The following COL27A1 variants were observed in gnomAD, a reference collection of about 807,000 sequenced individuals.
The protein encoded by COL27A1 is collagen type XXVII alpha 1 chain.
COL27A1 carries 106 observed loss-of-function variants against 251.3 expected under a neutral mutation model. That is an observed-to-expected ratio of 0.42 (90% CI 0.36 to 0.50). The LOEUF is 0.50. Ranked by LOEUF, COL27A1 falls within the 20% of genes least tolerant of loss-of-function variation. The pLI, the probability that COL27A1 is intolerant of heterozygous loss-of-function variation, is 0.00. For missense variants in COL27A1, 2,325 were observed against 2,522.8 expected (o/e 0.92, Z 1.68); for synonymous variants, 1,000 against 986.3 (o/e 1.01, Z -0.26).
chr9:114,245,857 T>A lies in COL27A1; in HGVS notation c.2935-9T>A. 4 of 1,613,510 alleles carry A rather than the reference T, an allele frequency of 2.5e-6. No individual in the cohort carries two copies. Among genetic ancestry groups the A allele is most frequent in the Non-Finnish European group, 2.5e-6 (3 of 1,179,658 alleles). On this transcript the variant is annotated splice_polypyrimidine_tract_variant and intron_variant, in intron 23 of 60. Transcript: ENST00000356083. ...ATCCCAATCCATCCTCCTCTTTGTC[T>A]CTTTGCAGGGGGAACCAGGGGATCC... is the stretch of plus-strand genomic sequence containing the variant.
chr9:114,285,883 G>A (rs367713927), intron 41 of COL27A1, among the ~76,000 whole-genome samples: 1 of 152,216 alleles, frequency 6.6e-6, no homozygotes, highest in East Asian at 1.9e-4. Context: ...GCTGAGAATG[G>A]GACCCTAACA....
At chr9:114,280,236 C>T (rs1835819734) in intron 37 of COL27A1, among the ~76,000 whole-genome samples, 1 of 150,350 alleles carries the variant, frequency 6.7e-6, no homozygotes, top group African/African-American at 2.4e-5. Flanking sequence ...TTTTGAGACA[C>T]AGTCTCACTC....
intron 49 of COL27A1, among the ~76,000 whole-genome samples, chr9:114,296,101 A>T (rs1321326318): frequency 6.6e-6 from 1 of 151,682 alleles, no homozygotes; most frequent in East Asian, 1.9e-4. Context: ...GAAAATTAAA[A>T]CACTTCTAGA....
At chr9:114,301,781 G>C (rs1828659947) in intron 55 of COL27A1, 64 bp downstream of exon 55, 1 of 1,483,954 alleles carries the variant, frequency 6.7e-7, no homozygotes, top group South Asian at 1.2e-5. Flanking sequence ...GAGATTCAAG[G>C]CTTCACCGGC....
chr9:114,240,109 C>A, intron 19 of COL27A1, 111 bp from the exon 20 acceptor site: 1 of 956,376 alleles, frequency 1.0e-6, no homozygotes, highest in Non-Finnish European at 1.7e-6. Flanking sequence ...TGCCTGGGGT[C>A]CCATCCCAGC....
chr9:114,165,341 C>T (rs1848755017), intron 2 of COL27A1, among the ~76,000 whole-genome samples: 2 of 152,042 alleles, frequency 1.3e-5, no homozygotes, highest in Non-Finnish European at 2.9e-5. Flanking sequence ...TTTATCTATC[C>T]ATCATCCATC....
chr9:114,306,710 G>C (rs760482201), intron 58 of COL27A1, 22 bp downstream of exon 58: 1 of 1,607,456 alleles, frequency 6.2e-7, no homozygotes, highest in South Asian at 1.1e-5. Flanking sequence ...TCCTGCCGGG[G>C]GTGGGTGCGC....
chr9:114,229,902 C>A (rs995484629), intron 14 of COL27A1, among the ~76,000 whole-genome samples: 4 of 152,126 alleles, frequency 2.6e-5, no homozygotes, highest in South Asian at 2.1e-4. Flanking sequence ...GTGGCGGGGG[C>A]TGTTCTGTGC....
rs552405199 is a variant in COL27A1 at position 114,163,089 on chromosome 9, C to G, written c.133+304C>G. Among the ~76,000 whole-genome samples the G allele has an allele frequency of 5.1e-4, 78 of 152,188 alleles. 3 individuals are homozygous for G. In the South Asian group the frequency reaches 0.016, roughly 32 times the overall value. On this transcript the variant is annotated intron_variant, in intron 2 of 60. Transcript: ENST00000356083. ...TCTCTACTAAAAATACAAAAATTAG[C>G]TGGGTGTGGTGGCAGGTGCCTGTAG...
chr9:114,306,839 C>G (rs1829086895), intron 58 of COL27A1, 151 bp downstream of exon 58: 1 of 826,844 alleles, frequency 1.2e-6, no homozygotes, highest in African/African-American at 1.7e-5. Context: ...AGTCACAGAG[C>G]CTCACAATAT....
intron 49 of COL27A1, among the ~76,000 whole-genome samples, chr9:114,293,307 A>C (rs920974715): frequency 6.6e-6 from 1 of 152,336 alleles, no homozygotes; most frequent in Admixed American, 6.5e-5. Context: ...GTCAAAGAAG[A>C]GACCAAAAGA....
intron 41 of COL27A1, among the ~76,000 whole-genome samples, chr9:114,287,331 G>A (rs1827565556): frequency 1.3e-5 from 2 of 152,168 alleles, no homozygotes; most frequent in African/African-American, 2.4e-5. Flanking sequence ...CTGTGCCCAG[G>A]GGAGTGACAC....
At chr9:114,250,766 C>T (rs1289819465) in intron 25 of COL27A1, 98 bp downstream of exon 25, 77 of 983,668 alleles carry the variant, frequency 7.8e-5, no homozygotes, top group Non-Finnish European at 9.6e-5. Context: ...TTCAGAATAC[C>T]CTCCCCTAGC....
intron 16 of COL27A1, 128 bp downstream of exon 16, chr9:114,231,994 C>T: frequency 6.7e-6 from 6 of 895,096 alleles, no homozygotes; most frequent in Non-Finnish European, 1.1e-5. Context: ...CTCTGGCCTC[C>T]CCTAAATCTG....
chr9:114,206,385 A>G, intron 10 of COL27A1, 89 bp downstream of exon 10: 3 of 1,373,144 alleles, frequency 2.2e-6, no homozygotes, highest in South Asian at 1.2e-5. Context: ...GGTCAGAGCT[A>G]TAAGGAGAGC....
chr9:114,224,648 C>CTTTTTTTTT (rs5900075), intron 14 of COL27A1, among the ~76,000 whole-genome samples: 11 of 97,350 alleles, frequency 1.1e-4, no homozygotes, highest in Non-Finnish European at 1.5e-4. Flanking sequence ...CCTCCTGGTT[C>CTTTTTTTTT]TTTTTTTTTT....
At chr9:114,264,844 T>G (rs1834622378) in intron 29 of COL27A1, 80 bp from the exon 30 acceptor site, 19 of 1,451,510 alleles carry the variant, frequency 1.3e-5, no homozygotes, top group Non-Finnish European at 1.7e-5. Context: ...TCCTTTTATC[T>G]CCCATGTGGA....
Position 114,269,146 on chromosome 9 carries a change from C to T in COL27A1, c.3502-95C>T, listed in dbSNP as rs114119077. 2.1e-3 allele frequency: 1,618 copies of T among 768,700 alleles called. 26 individuals carry two copies. The African/African-American group carries it at 0.025, about 12-fold the overall frequency. The allele number at this position is 768,700 out of a possible 1,614,324, so 47.6% of individuals were successfully genotyped here. A position where few individuals can be genotyped will look rare whatever the true frequency, so the allele number is the denominator to read the frequency against. ...GGACCTTCCCCAGCTCCTCCTCCCA[C>T]ACCCCAAAGTCAGAGCTGGTGGAAA... is the stretch of plus-strand genomic sequence containing the variant. On this transcript the variant is annotated intron_variant, in intron 34 of 60. Transcript: ENST00000356083.
chr9:114,309,891 C>T (rs971866492), intron 60 of COL27A1, among the ~76,000 whole-genome samples: 15 of 152,172 alleles, frequency 9.9e-5, no homozygotes, highest in African/African-American at 3.6e-4. Context: ...AGGCAAAAAT[C>T]AGTTTTATAA....
Sources: gnomAD v4.1 joint callset for allele counts (sites outside exome capture counted in the v4.1 genomes callset) on GRCh38, gnomAD v4.1.1 for gene constraint, MANE v1.5 for transcripts, NCBI Gene and HGNC (gene_info 2026-07-23, HGNC 2026-07-21) for gene names.